Variants in DPYD observed in about 807,000 individuals in gnomAD.
DPYD encodes the protein dihydropyrimidine dehydrogenase.
DPYD carries 109 observed loss-of-function variants against 116.2 expected under a neutral mutation model. The observed-to-expected ratio is 0.94, with a 90% confidence interval of 0.80 to 1.10. DPYD has a LOEUF of 1.10. Among genes scored for constraint, DPYD ranks in the 50% least tolerant of loss-of-function variants. The probability of loss-of-function intolerance (pLI) is 0.00; values close to 1 mark genes in which losing one functional copy is unlikely to be tolerated. For synonymous variants in DPYD, 440 were observed against 432.0 expected, an observed-to-expected ratio of 1.02 and a Z score of -0.23; for missense variants, 1,302 against 1,254.5, an observed-to-expected ratio of 1.04 and a Z score of -0.57.
chr1:97,357,915 C>A (rs780478613), intron 16 of DPYD, among the ~76,000 whole-genome samples: 11 of 152,180 alleles, frequency 7.2e-5, no homozygotes, highest in Non-Finnish European at 1.6e-4. Flanking sequence ...TCTGCATTTC[C>A]AGCTGAGGTA....
intron 4 of DPYD, among the ~76,000 whole-genome samples, chr1:97,738,116 C>T (rs936443379): frequency 6.6e-6 from 1 of 152,058 alleles, no homozygotes; most frequent in Non-Finnish European, 1.5e-5. Flanking sequence ...TACAGGATCA[C>T]GAAATCAAGG....
At chr1:97,881,662 T>C (rs545249136) in intron 2 of DPYD, among the ~76,000 whole-genome samples, 1 of 152,070 alleles carries the variant, frequency 6.6e-6, no homozygotes, top group East Asian at 1.9e-4. Flanking sequence ...ACAACAGCAA[T>C]CAAAATAAAG....
chr1:97,814,138 A>G (rs1668466275), intron 3 of DPYD, among the ~76,000 whole-genome samples: 1 of 152,146 alleles, frequency 6.6e-6, no homozygotes, highest in East Asian at 1.9e-4. Context: ...GCTGAATAGC[A>G]AGAAGCAGCA....
chr1:97,134,370 T>C (rs900493738), intron 20 of DPYD, among the ~76,000 whole-genome samples: 5 of 152,050 alleles, frequency 3.3e-5, no homozygotes, highest in Non-Finnish European at 7.4e-5. Flanking sequence ...ACATCGTATG[T>C]ATGAGCATGA....
chr1:97,080,163 AT>A (rs1649054526), intron 22 of DPYD, among the ~76,000 whole-genome samples: 1 of 152,008 alleles, frequency 6.6e-6, no homozygotes, highest in South Asian at 2.1e-4. Context: ...TGCAAAAAAA[AT>A]ACAAGAGTTT....
rs368517318 is a variant in DPYD at position 97,273,914 on chromosome 1, C to T, written c.2299+31345G>A. Among the ~76,000 whole-genome samples, 4 of 152,172 alleles carry T rather than the reference C, an allele frequency of 2.6e-5. No individual in the cohort carries two copies. In the East Asian group the frequency reaches 7.7e-4, roughly 29 times the overall value. On this transcript the variant is annotated intron_variant, in intron 18 of 22. Coordinates refer to ENST00000370192, the MANE Select transcript of DPYD (RefSeq NM_000110.4). Reference sequence around the variant, plus strand: ...TGAAATGTATATGCAACAAAAAGTTCACAAGCCATCATTTCAATTTTCCTC... The same window carrying T: ...TGAAATGTATATGCAACAAAAAGTTTACAAGCCATCATTTCAATTTTCCTC...
Position 97,778,217 on chromosome 1 carries a change from AGAGG to A in DPYD, c.234-37742_234-37739del, listed in dbSNP as rs1311168085. 2.2e-3 allele frequency among the ~76,000 whole-genome samples: 239 copies of A among 109,876 alleles called. 1 individual carries two copies. The highest frequency in any genetic ancestry group is 3.9e-3 in the Non-Finnish European group (205 of 52,974). The allele number at this position is 109,876 out of a possible 152,430, so 72.1% of individuals were successfully genotyped here. On this transcript the variant is annotated intron_variant, in intron 3 of 22. Transcript: ENST00000370192. ...GAGAGAGAGAGAGAGAGAGAGAGAG[AGAGG>A]GAGGGAGGGAGGGAGGAAGGGAGGG...
intron 2 of DPYD, among the ~76,000 whole-genome samples, chr1:97,870,065 A>G (rs915925125): frequency 6.6e-6 from 1 of 151,886 alleles, no homozygotes; most frequent in Non-Finnish European, 1.5e-5. Flanking sequence ...TTGGAGCTCC[A>G]TATTCAAATA....
chr1:97,523,275 G>C (rs1648821341), intron 12 of DPYD, among the ~76,000 whole-genome samples: 1 of 152,064 alleles, frequency 6.6e-6, no homozygotes, highest in South Asian at 2.1e-4. Context: ...GTCCTTCCTA[G>C]ACATAAGAAA....
chr1:97,313,168 C>T (rs10875064), intron 16 of DPYD, among the ~76,000 whole-genome samples: 51,494 of 151,622 alleles, frequency 0.34, 9,018 homozygotes, highest in Middle Eastern at 0.39. Context: ...GAGCATGTAG[C>T]GCAGAACCTG....
At chr1:97,207,396 A>AC (rs1329158455) in intron 19 of DPYD, among the ~76,000 whole-genome samples, 6 of 152,062 alleles carry the variant, frequency 3.9e-5, no homozygotes, top group African/African-American at 1.4e-4. Context: ...GCAGGGAGTA[A>AC]CTCTACTTCT....
intron 10 of DPYD, among the ~76,000 whole-genome samples, chr1:97,575,635 CAT>C (rs1365735233): frequency 2.0e-5 from 3 of 152,048 alleles, no homozygotes; most frequent in African/African-American, 7.2e-5. Flanking sequence ...TAAAACAAAA[CAT>C]GTGGGATGTT....
chr1:97,528,340 G>A (rs1483185779), intron 12 of DPYD, among the ~76,000 whole-genome samples: 9 of 136,472 alleles, frequency 6.6e-5, no homozygotes, highest in Admixed American at 6.4e-4. Flanking sequence ...ACAAAATAAT[G>A]ATTCCATTTT....
chr1:97,714,764 T>G (rs1466878694), intron 5 of DPYD, among the ~76,000 whole-genome samples: 1 of 151,616 alleles, frequency 6.6e-6, no homozygotes, highest in Admixed American at 6.6e-5. Flanking sequence ...TGAGGTATGG[T>G]GACCAAGTAT....
intron 3 of DPYD, among the ~76,000 whole-genome samples, chr1:97,792,233 T>G (rs1450648599): frequency 6.6e-6 from 1 of 152,008 alleles, no homozygotes; most frequent in African/African-American, 2.4e-5. Flanking sequence ...CTTGCCCATC[T>G]CCCAAAGAGA....
intron 6 of DPYD, among the ~76,000 whole-genome samples, chr1:97,694,133 T>C (rs1039618397): frequency 1.3e-5 from 2 of 152,156 alleles, no homozygotes; most frequent in Non-Finnish European, 2.9e-5. Flanking sequence ...TCTGGAACCA[T>C]TGTCACCAAC....
intron 8 of DPYD, among the ~76,000 whole-genome samples, chr1:97,631,730 T>G (rs1657272181): frequency 6.6e-6 from 1 of 151,970 alleles, no homozygotes; most frequent in Admixed American, 6.6e-5. Context: ...TGAAACATAT[T>G]TAGGAATTTG....
At chr1:97,265,364 G>A (rs997826445) in intron 18 of DPYD, 6 of 152,102 alleles carry the variant, frequency 3.9e-5, no homozygotes, top group African/African-American at 9.7e-5. Flanking sequence ...ATAACAGTTA[G>A]AGGTATTTGA....
intron 19 of DPYD, among the ~76,000 whole-genome samples, chr1:97,222,533 AAAC>A (rs1660843828): frequency 1.3e-5 from 2 of 152,140 alleles, no homozygotes; most frequent in African/African-American, 4.8e-5. Context: ...CTTTGCTTAT[AAAC>A]AACATTTGTT....
Sources: gnomAD v4.1 joint callset for allele counts (sites outside exome capture counted in the v4.1 genomes callset) on GRCh38, gnomAD v4.1.1 for gene constraint, MANE v1.5 for transcripts, NCBI Gene and HGNC (gene_info 2026-07-23, HGNC 2026-07-21) for gene names.